DCX: variants seen among roughly 807,000 people sequenced by gnomAD.
The protein encoded by DCX is doublecortin.
Under a neutral mutation model 20.9 loss-of-function variants are expected in DCX, and 4 were observed. That is an observed-to-expected ratio of 0.19 (90% CI 0.09 to 0.44). DCX has a LOEUF of 0.44. DCX is among the 20% of genes least tolerant of loss of function. The pLI is 0.99. For missense variants in DCX, 133 were observed against 296.9 expected, an observed-to-expected ratio of 0.45 and a Z score of 4.06; for synonymous variants, 103 against 111.4, an observed-to-expected ratio of 0.92 and a Z score of 0.47.
Position 111,301,607 on chromosome X carries a change from G to T in DCX, c.*80C>A. 2.0e-6 allele frequency: 2 copies of T among 993,264 alleles called. No individual in the cohort carries two copies. The highest frequency in any genetic ancestry group is 2.9e-6 in the Non-Finnish European group (2 of 696,317). 81.9% of individuals were successfully genotyped at this position (993,264 alleles called of 1,213,427 possible). ...AAAACTTGAAAGCACCAATAGCCCTGTTGGACACTTGAGCAGAAGTACCCT... is the reference window on the plus strand; with the variant it reads ...AAAACTTGAAAGCACCAATAGCCCTTTTGGACACTTGAGCAGAAGTACCCT... On this transcript the variant is annotated 3_prime_UTR_variant, in exon 7 of 7. Coordinates refer to ENST00000636035, the MANE Select transcript of DCX (RefSeq NM_001195553.2).
Position 111,374,823 on chromosome X carries a change from G to T in DCX, c.705+26167C>A, listed in dbSNP as rs1309305272. Among the ~76,000 whole-genome samples the T allele has an allele frequency of 1.4e-4, 15 of 108,507 alleles. No individual in the cohort carries two copies. The Admixed American group carries it at 1.4e-3, about 10-fold the overall frequency. 94.2% of individuals were successfully genotyped at this position (108,507 alleles called of 115,157 possible). A position where few individuals can be genotyped will look rare whatever the true frequency, so the allele number is the denominator to read the frequency against. ...TCTGGTGACATTAACCCTTTGTTCT[G>T]CCAGTCCTAGGGAGGAGTGGTAACA... On this transcript the variant is annotated intron_variant, in intron 3 of 6. Coordinates refer to ENST00000636035, the MANE Select transcript of DCX (RefSeq NM_001195553.2).
chrX:111,359,895 T>G (rs1924062162), intron 3 of DCX, among the ~76,000 whole-genome samples: 1 of 111,814 alleles, frequency 8.9e-6, no homozygotes, highest in Non-Finnish European at 1.9e-5. Flanking sequence ...TTAAACACTA[T>G]GGGTATAAGT....
intron 3 of DCX, among the ~76,000 whole-genome samples, chrX:111,365,423 G>GA (rs1239756258): frequency 9.1e-6 from 1 of 110,115 alleles, no homozygotes; most frequent in African/African-American, 3.3e-5. Context: ...CATGCAATGT[G>GA]AAAAAAAGCA....
At chrX:111,309,783 A>G (rs2095053387) in intron 6 of DCX, among the ~76,000 whole-genome samples, 1 of 111,955 alleles carries the variant, frequency 8.9e-6, no homozygotes, top group African/African-American at 3.3e-5. Context: ...AAAGAAGACT[A>G]AAGAGACATG....
chrX:111,298,367 A>T lies in DCX; in HGVS notation c.*3320T>A, dbSNP rs2095026247. ...CTCTCTTCAAGGACATCTGCAACCC[A>T]TGTGGATGGGAACCAGGTGAATGCA... On this transcript the variant is annotated 3_prime_UTR_variant, in exon 7 of 7. Transcript: ENST00000636035. 1 of 111,966 alleles carries T rather than the reference A, an allele frequency of 8.9e-6. No homozygotes were observed. The highest frequency in any genetic ancestry group is 3.8e-4 in the South Asian group (1 of 2,607). The allele number at this position is 111,966 out of a possible 1,213,427, so 9.2% of individuals were successfully genotyped here. A position where few individuals can be genotyped will look rare whatever the true frequency, so the allele number is the denominator to read the frequency against.
intron 3 of DCX, among the ~76,000 whole-genome samples, chrX:111,342,339 T>TTATATATA (rs60045433): frequency 0.014 from 281 of 20,709 alleles, 19 homozygotes; most frequent in Non-Finnish European, 0.022. Context: ...GAGCTAACTA[T>TTATATATA]TATATATATA....
At chrX:111,403,867 G>A (rs1172271242) in intron 2 of DCX, among the ~76,000 whole-genome samples, 5 of 110,157 alleles carry the variant, frequency 4.5e-5, no homozygotes, top group African/African-American at 1.7e-4. Flanking sequence ...ACAACATGGT[G>A]AAACCCCATC....
At chrX:111,370,349 G>A (rs986119984) in intron 3 of DCX, among the ~76,000 whole-genome samples, 10 of 111,671 alleles carry the variant, frequency 9.0e-5, no homozygotes, top group African/African-American at 2.9e-4. Flanking sequence ...TGGTCTATAG[G>A]CCAATAGCAT....
At position 111,296,913 on chromosome X, in the gene DCX, G is replaced by C. The variant is rs192033760; in HGVS notation, c.*4774C>G. The C allele has an allele frequency of 1.8e-5, 2 of 111,473 alleles. No individual in the cohort carries two copies. Among genetic ancestry groups the C allele is most frequent in the African/African-American group, 6.5e-5 (2 of 30,656 alleles). 9.2% of individuals were successfully genotyped at this position (111,473 alleles called of 1,213,427 possible). On this transcript the variant is annotated 3_prime_UTR_variant, in exon 7 of 7. Coordinates refer to ENST00000636035, the MANE Select transcript of DCX (RefSeq NM_001195553.2). ...GTCTGGGTGTATAAAGACCATACTA[G>C]ACTTTTGGAGACAAAAACAATTTCT...
chrX:111,334,356 G>C (rs773060131), intron 3 of DCX, among the ~76,000 whole-genome samples: 13 of 111,585 alleles, frequency 1.2e-4, no homozygotes, highest in Non-Finnish European at 2.1e-4. Flanking sequence ...CTCTCATTAA[G>C]CCTCTTTCCA....
chrX:111,368,323 T>G (rs1924789769), intron 3 of DCX, among the ~76,000 whole-genome samples: 1 of 111,625 alleles, frequency 9.0e-6, no homozygotes, highest in Admixed American at 9.6e-5. Flanking sequence ...AAAACCATAG[T>G]CTGCACTTCA....
intron 5 of DCX, among the ~76,000 whole-genome samples, chrX:111,318,147 T>A (rs1407627124): frequency 1.1e-5 from 1 of 88,173 alleles, no homozygotes; most frequent in African/African-American, 4.6e-5. Flanking sequence ...ATCATGCCAC[T>A]ACACTCCAGC....
At chrX:111,408,322 A>G (rs1358167055) in intron 2 of DCX, among the ~76,000 whole-genome samples, 1 of 111,308 alleles carries the variant, frequency 9.0e-6, no homozygotes, top group Non-Finnish European at 1.9e-5. Flanking sequence ...TTTCAAGGTC[A>G]GCTATGTAGA....
chrX:111,298,666 G>A lies in DCX; in HGVS notation c.*3021C>T, dbSNP rs1027990516. 1.8e-5 allele frequency: 2 copies of A among 111,748 alleles called. No individual in the cohort carries two copies. The highest frequency in any genetic ancestry group is 3.3e-5 in the African/African-American group (1 of 30,608). The allele number at this position is 111,748 out of a possible 1,213,427, so 9.2% of individuals were successfully genotyped here. ...GAAGAATGAGAAATTTGGAGTAGAG[G>A]AGTAGATGATGTGATCTTAAGGTTC... is the stretch of plus-strand genomic sequence containing the variant. On this transcript the variant is annotated 3_prime_UTR_variant, in exon 7 of 7. Transcript: ENST00000636035.
At chrX:111,325,150 T>C (rs2095096651) in intron 5 of DCX, among the ~76,000 whole-genome samples, 1 of 111,249 alleles carries the variant, frequency 9.0e-6, no homozygotes, top group African/African-American at 3.3e-5. Flanking sequence ...GGCACCTAAT[T>C]ACTTGTGGGA....
At chrX:111,383,821 T>A (rs1926166183) in intron 3 of DCX, among the ~76,000 whole-genome samples, 1 of 111,262 alleles carries the variant, frequency 9.0e-6, no homozygotes, top group Admixed American at 9.6e-5. Context: ...TTGATGTAAT[T>A]AGTCTGGAGT....
At chrX:111,311,976 A>G (rs1314314536) in intron 6 of DCX, among the ~76,000 whole-genome samples, 2 of 112,004 alleles carry the variant, frequency 1.8e-5, no homozygotes, top group Non-Finnish European at 3.8e-5. Flanking sequence ...ACCACTCCAC[A>G]TTTTCTACAC....
chrX:111,369,075 G>T (rs897035843), intron 3 of DCX, among the ~76,000 whole-genome samples: 1 of 110,807 alleles, frequency 9.0e-6, no homozygotes, highest in African/African-American at 3.3e-5. Context: ...GAAGCATCCA[G>T]CATGGGAGAA....
rs2095020062 is a variant in DCX, at chrX:111,296,107, G to A, written c.*5580C>T. 8.9e-6 allele frequency: 1 copy of A among 112,030 alleles called. No homozygotes were observed. The highest frequency in any genetic ancestry group is 3.2e-5 in the African/African-American group (1 of 30,789). The allele number at this position is 112,030 out of a possible 1,213,427, so 9.2% of individuals were successfully genotyped here. A position where few individuals can be genotyped will look rare whatever the true frequency, so the allele number is the denominator to read the frequency against. On this transcript the variant is annotated 3_prime_UTR_variant, in exon 7 of 7. Coordinates refer to ENST00000636035, the MANE Select transcript of DCX (RefSeq NM_001195553.2). The stretch of plus-strand genomic sequence containing the variant: ...AGAAAGGATGGATGTTTGTACTGTG[G>A]AAAGAGAGACTGATAACATAGAATA...
Sources: allele counts gnomAD v4.1 joint callset (sites outside exome capture counted in the v4.1 genomes callset), GRCh38; gene constraint gnomAD v4.1.1; transcripts MANE v1.5; gene names NCBI Gene and HGNC (gene_info 2026-07-23, HGNC 2026-07-21).